Variants in SACS observed in about 807,000 individuals in gnomAD.
The protein encoded by SACS is sacsin molecular chaperone, also known as sacsin.
SACS carries 197 observed loss-of-function variants against 348.0 expected under a neutral mutation model. That is an observed-to-expected ratio of 0.57 (90% CI 0.50 to 0.64). SACS has a LOEUF of 0.64. Ranked by LOEUF, SACS falls within the 30% of genes least tolerant of loss-of-function variation. The probability of loss-of-function intolerance (pLI) is 0.00; values close to 1 mark genes in which losing one functional copy is unlikely to be tolerated. For synonymous variants in SACS, 1,985 were observed against 1,910.6 expected, an observed-to-expected ratio of 1.04 and a Z score of -1.02; for missense variants, 4,999 against 5,360.8, an observed-to-expected ratio of 0.93 and a Z score of 2.11.
Position 23,355,186 on chromosome 13 carries a change from T to G in SACS, c.1426A>C (p.Ser476Arg). The G allele has an allele frequency of 2.5e-6, 4 of 1,614,164 alleles. No homozygotes were observed. The highest frequency in any genetic ancestry group is 3.4e-6 in the Non-Finnish European group (4 of 1,180,038). ...TGGTCCAGCTCTCTCCATTTTATGC[T>G]CCTGCGGTTATCAGTAAGGCCAAAG... is the stretch of plus-strand genomic sequence containing the variant. ...GFFGLTDNRRSIKWRELDQWR... is the reference protein window; with the variant it reads ...GFFGLTDNRRRIKWRELDQWR... The change falls in exon 8 of 10, where the codon AGC becomes CGC. Residue 476 changes from serine (S) to arginine (R), a missense_variant. Physicochemically the swap from Ser to Arg is moderately radical, Grantham distance 110 (BLOSUM62 -1). This residue lies in a region of SACS where 3,156 missense variants were observed against 3,380.1 expected (regional missense o/e 0.93). Coordinates refer to ENST00000382292, the MANE Select transcript of SACS (RefSeq NM_014363.6).
Position 23,329,695 on chromosome 13 carries a change from TA to T in SACS, c.*440del, listed in dbSNP as rs1883345822. The T allele has an allele frequency of 3.9e-6, 2 of 515,050 alleles. No homozygotes were observed. Among genetic ancestry groups the T allele is most frequent in the Non-Finnish European group, 3.4e-6 (1 of 296,278 alleles). 31.9% of individuals were successfully genotyped at this position (515,050 alleles called of 1,614,324 possible). On this transcript the variant is annotated 3_prime_UTR_variant, in exon 10 of 10. Coordinates refer to ENST00000382292, the MANE Select transcript of SACS (RefSeq NM_014363.6). Reference sequence around the variant, plus strand: ...AATAACGCATCCAAGAGGATCCACTTAAAAAAATGACAGACTACAAAGACTT... The same window carrying T: ...AATAACGCATCCAAGAGGATCCACTTAAAAAATGACAGACTACAAAGACTT...
At chr13:23,424,417 T>C (rs578131721) in intron 1 of SACS, among the ~76,000 whole-genome samples, 1 of 151,428 alleles carries the variant, frequency 6.6e-6, no homozygotes, top group Non-Finnish European at 1.5e-5. Flanking sequence ...CCCAACTACT[T>C]GGGAGGCTGA....
At chr13:23,378,112 C>T (rs1304966501) in intron 2 of SACS, among the ~76,000 whole-genome samples, 1 of 152,160 alleles carries the variant, frequency 6.6e-6, no homozygotes, top group Non-Finnish European at 1.5e-5. Context: ...TTACAAATTC[C>T]CTAGAGTGCT....
chr13:23,345,695 T>C (rs916794669), intron 9 of SACS, among the ~76,000 whole-genome samples: 4 of 152,216 alleles, frequency 2.6e-5, no homozygotes, highest in Non-Finnish European at 4.4e-5. Context: ...CCACTTTTAA[T>C]ATAAGCTAGA....
chr13:23,361,594 T>C (rs1159184764), intron 6 of SACS, among the ~76,000 whole-genome samples: 1 of 152,078 alleles, frequency 6.6e-6, no homozygotes. Flanking sequence ...CTGGCCAACA[T>C]GGTGAAACCC....
intron 1 of SACS, among the ~76,000 whole-genome samples, chr13:23,420,979 T>C (rs1316774276): frequency 6.6e-6 from 1 of 152,038 alleles, no homozygotes; most frequent in African/African-American, 2.4e-5. Context: ...AGGAGCCTAA[T>C]GTCCACCAGA....
At chr13:23,427,034 G>A (rs531014434) in intron 1 of SACS, 5 of 151,972 alleles carry the variant, frequency 3.3e-5, no homozygotes, top group African/African-American at 7.3e-5. Flanking sequence ...AACATTCTTC[G>A]GTCTTCTCCT....
intron 1 of SACS, among the ~76,000 whole-genome samples, chr13:23,426,342 T>C (rs1292768971): frequency 6.6e-6 from 1 of 152,064 alleles, no homozygotes; most frequent in Admixed American, 6.6e-5. Flanking sequence ...CATCAGTTAG[T>C]ATATGTAAGA....
intron 2 of SACS, among the ~76,000 whole-genome samples, chr13:23,399,347 G>A (rs754622279): frequency 4.6e-5 from 7 of 151,922 alleles, no homozygotes; most frequent in African/African-American, 1.2e-4. Flanking sequence ...AACTTCTGCC[G>A]GTCCCAATCT....
At chr13:23,393,498 G>C (rs1872606258) in intron 2 of SACS, among the ~76,000 whole-genome samples, 1 of 152,050 alleles carries the variant, frequency 6.6e-6, no homozygotes, top group Non-Finnish European at 1.5e-5. Context: ...CTGCCCACCT[G>C]CTCGTCCCTG....
chr13:23,405,091 C>T (rs1410112069), intron 2 of SACS, among the ~76,000 whole-genome samples: 6 of 152,140 alleles, frequency 3.9e-5, no homozygotes, highest in South Asian at 4.2e-4. Flanking sequence ...AAAAAGAGCC[C>T]GTATAAGCCA....
At position 23,329,427 on chromosome 13, in the gene SACS, G is replaced by C; in HGVS notation, c.*709C>G. ...TTTCCAGAAACAATACTAACAACTGGTAATAAGAACTGCCACCATTTTGAG... is the reference window on the plus strand; with the variant it reads ...TTTCCAGAAACAATACTAACAACTGCTAATAAGAACTGCCACCATTTTGAG... On this transcript the variant is annotated 3_prime_UTR_variant, in exon 10 of 10. Transcript: ENST00000382292. The C allele has an allele frequency of 1.3e-6, 1 of 770,496 alleles. No homozygotes were observed. Among genetic ancestry groups the C allele is most frequent in the Non-Finnish European group, 2.4e-6 (1 of 414,962 alleles). The allele number at this position is 770,496 out of a possible 1,614,324, so 47.7% of individuals were successfully genotyped here. A position where few individuals can be genotyped will look rare whatever the true frequency, so the allele number is the denominator to read the frequency against.
At chr13:23,362,058 A>G (rs1473041868) in intron 6 of SACS, among the ~76,000 whole-genome samples, 2 of 152,226 alleles carry the variant, frequency 1.3e-5, no homozygotes, top group Admixed American at 6.5e-5. Flanking sequence ...TATATATTTA[A>G]GAGGCATAAT....
chr13:23,343,917 C>T (rs1434478717), intron 9 of SACS, among the ~76,000 whole-genome samples: 1 of 152,014 alleles, frequency 6.6e-6, no homozygotes, highest in African/African-American at 2.4e-5. Flanking sequence ...CAAGGGCACA[C>T]TTTTGCAACT....
In SACS at chr13:23,336,982, T is replaced by C. The variant is rs759377065; in HGVS notation, c.6894A>G (p.Lys2298=). 1.5e-5 allele frequency: 24 copies of C among 1,613,914 alleles called. No individual in the cohort carries two copies. Among genetic ancestry groups the C allele is most frequent in the Non-Finnish European group, 2.0e-5 (24 of 1,179,898 alleles). Residue 2298 remains lysine, a synonymous_variant, in exon 10 of 10, where the codon AAA becomes AAG. Transcript: ENST00000382292. The part of the protein sequence containing the change: ...PTVDLVINQL[K]EVAKSVDDGI... ...CATCATCAACTGATTTTGCTACTTC[T>C]TTCAATTGGTTTATAACCAGATCAA...
chr13:23,358,076 T>C (rs1870505901), intron 7 of SACS, among the ~76,000 whole-genome samples: 1 of 152,222 alleles, frequency 6.6e-6, no homozygotes, highest in South Asian at 2.1e-4. Flanking sequence ...TGGCTTAATA[T>C]GTTACACTGA....
chr13:23,415,336 TC>T (rs1298417657), intron 1 of SACS, among the ~76,000 whole-genome samples: 2 of 152,086 alleles, frequency 1.3e-5, no homozygotes, highest in Non-Finnish European at 2.9e-5. Context: ...CCCAGCCCAG[TC>T]TTTTAATTTT....
chr13:23,409,346 C>T (rs1229339658), intron 2 of SACS, among the ~76,000 whole-genome samples: 7 of 145,452 alleles, frequency 4.8e-5, no homozygotes, highest in African/African-American at 7.7e-5. Context: ...TGAGCCACCG[C>T]GCTGGCCGTT....
chr13:23,411,445 T>TA lies in SACS; in HGVS notation c.-207dup. 1 of 611,684 alleles carries TA rather than the reference T, an allele frequency of 1.6e-6. No individual in the cohort carries two copies. The allele number at this position is 611,684 out of a possible 1,614,324, so 37.9% of individuals were successfully genotyped here. On this transcript the variant is annotated 5_prime_UTR_variant, in exon 2 of 10. The change abolishes the stop of an existing upstream ORF in the 5' untranslated region. Transcript: ENST00000382292. ...TGTCGTGTGTTGCATTTGTATTCCTTAAAGTATGACTCTCCAGTCTGATAA... is the reference window on the plus strand; with the variant it reads ...TGTCGTGTGTTGCATTTGTATTCCTTAAAAGTATGACTCTCCAGTCTGATAA...
Sources: gnomAD v4.1 joint callset for allele counts (sites outside exome capture counted in the v4.1 genomes callset) on GRCh38, gnomAD v4.1.1 for gene constraint, gnomAD v4.1.1 regional missense constraint, MANE v1.5 for transcripts, NCBI Gene and HGNC (gene_info 2026-07-23, HGNC 2026-07-21) for gene names.